The following MFHAS1 variants were observed in gnomAD, a reference collection of about 807,000 sequenced individuals.
MFHAS1 encodes the protein malignant fibrous histiocytoma-amplified sequence 1.
In MFHAS1, 50 loss-of-function variants were observed where a neutral mutation model predicts 70.4. That is an observed-to-expected ratio of 0.71 (90% CI 0.57 to 0.90). MFHAS1 has a LOEUF of 0.90. Ranked by LOEUF, MFHAS1 falls within the 40% of genes least tolerant of loss-of-function variation. The pLI is 0.00. For synonymous variants in MFHAS1, 952 were observed against 620.0 expected (o/e 1.54, Z -7.96); for missense variants, 1,795 against 1,347.6 (o/e 1.33, Z -5.20).
At chr8:8,865,668 G>C (rs931346701) in intron 1 of MFHAS1, among the ~76,000 whole-genome samples, 1 of 152,168 alleles carries the variant, frequency 6.6e-6, no homozygotes, top group Non-Finnish European at 1.5e-5. Context: ...GTCTACTCAA[G>C]GTGAGGCTCC....
At chr8:8,890,015 T>C in intron 1 of MFHAS1, 46 bp downstream of exon 1, 1 of 1,440,376 alleles carries the variant, frequency 6.9e-7, no homozygotes, top group Non-Finnish European at 9.4e-7. Context: ...TCCAAAAACA[T>C]ATCTTACAGC....
chr8:8,843,225 C>T (rs1178015646), intron 1 of MFHAS1, among the ~76,000 whole-genome samples: 2 of 147,798 alleles, frequency 1.4e-5, no homozygotes, highest in African/African-American at 5.1e-5. Context: ...GCCGAGATTG[C>T]GCCACTGCAG....
In MFHAS1 at chr8:8,784,915, A is replaced by T. The variant is rs1457706313; in HGVS notation, c.*1107T>A. The stretch of plus-strand genomic sequence containing the variant: ...CTAGTTCTTGGCAGGAGACCGTCCA[A>T]TCAGAGGCTCTGTATTTATAAATAA... On this transcript the variant is annotated 3_prime_UTR_variant, in exon 3 of 3. Transcript: ENST00000276282. The T allele has an allele frequency of 6.6e-6, 1 of 152,204 alleles. No homozygotes were observed. The highest frequency in any genetic ancestry group is 2.4e-5 in the African/African-American group (1 of 41,450). The allele number at this position is 152,204 out of a possible 1,614,324, so 9.4% of individuals were successfully genotyped here.
intron 1 of MFHAS1, among the ~76,000 whole-genome samples, chr8:8,846,021 G>T (rs1281529631): frequency 6.6e-6 from 1 of 152,032 alleles, no homozygotes; most frequent in Non-Finnish European, 1.5e-5. Flanking sequence ...GGGAGGCCAA[G>T]GCAGGCGGAT....
At position 8,827,255 on chromosome 8, in the gene MFHAS1, C is replaced by T. The variant is rs144500821; in HGVS notation, c.2999-29764G>A. On this transcript the variant is annotated intron_variant, in intron 1 of 2. Coordinates refer to ENST00000276282, the MANE Select transcript of MFHAS1 (RefSeq NM_004225.3). ...TAAATGCTATTATTACAAATATCTGCGTAGTTATTTTTGTGTACATGCTGG... is the reference window on the plus strand; with the variant it reads ...TAAATGCTATTATTACAAATATCTGTGTAGTTATTTTTGTGTACATGCTGG... 1.9e-3 allele frequency among the ~76,000 whole-genome samples: 291 copies of T among 152,228 alleles called. 1 individual carries two copies. The highest frequency in any genetic ancestry group is 6.7e-3 in the African/African-American group (277 of 41,532).
intron 1 of MFHAS1, among the ~76,000 whole-genome samples, chr8:8,854,121 G>A (rs1012594813): frequency 5.3e-5 from 8 of 152,256 alleles, no homozygotes; most frequent in Non-Finnish European, 7.4e-5. Context: ...TATACGCTGG[G>A]TGTGGTGGCT....
At chr8:8,848,725 G>A (rs1808125963) in intron 1 of MFHAS1, among the ~76,000 whole-genome samples, 1 of 152,148 alleles carries the variant, frequency 6.6e-6, no homozygotes, top group Non-Finnish European at 1.5e-5. Context: ...ATTAGGACGT[G>A]TTTTTTAAAG....
At chr8:8,856,163 G>T (rs902172142) in intron 1 of MFHAS1, among the ~76,000 whole-genome samples, 4 of 152,118 alleles carry the variant, frequency 2.6e-5, no homozygotes, top group African/African-American at 7.2e-5. Context: ...TAAGATCTGG[G>T]GCCCTTATTT....
Position 8,785,967 on chromosome 8 carries a change from G to A in MFHAS1, c.*55C>T. 6.4e-7 allele frequency: 1 copy of A among 1,569,142 alleles called. No homozygotes were observed. Among genetic ancestry groups the A allele is most frequent in the Non-Finnish European group, 8.8e-7 (1 of 1,142,320 alleles). On this transcript the variant is annotated 3_prime_UTR_variant, in exon 3 of 3. Transcript: ENST00000276282. ...AGAGGGTCTGCCAGGTGCAAAAGAT[G>A]GTCCAGGTGTTCAGATGCTCTCTTT... is the stretch of plus-strand genomic sequence containing the variant.
chr8:8,793,019 A>G (rs1411544444), intron 2 of MFHAS1, among the ~76,000 whole-genome samples: 3 of 152,162 alleles, frequency 2.0e-5, no homozygotes, highest in African/African-American at 7.2e-5. Flanking sequence ...CAAGGGGGAG[A>G]AGAAGCCACT....
At chr8:8,827,745 G>C (rs531324074) in intron 1 of MFHAS1, among the ~76,000 whole-genome samples, 22 of 152,266 alleles carry the variant, frequency 1.4e-4, no homozygotes, top group African/African-American at 3.9e-4. Context: ...TTTTAGGAAA[G>C]TTAGCCTTTT....
chr8:8,852,660 A>G (rs145382135), intron 1 of MFHAS1, among the ~76,000 whole-genome samples: 289 of 152,202 alleles, frequency 1.9e-3, no homozygotes, highest in African/African-American at 6.5e-3. Context: ...TTCCATGGCC[A>G]TTTGCCATTG....
In MFHAS1 at chr8:8,891,725, T is replaced by C. The variant is rs776752204; in HGVS notation, c.1334A>G (p.Lys445Arg). 7 of 1,613,244 alleles carry C rather than the reference T, an allele frequency of 4.3e-6. No individual in the cohort carries two copies. In the Admixed American group the frequency reaches 1.0e-4, roughly 23 times the overall value. Residue 445 changes from lysine (K) to arginine (R), a missense_variant, in exon 1 of 3, where the codon AAG becomes AGG. By Grantham distance (26) the Lys-to-Arg change is conservative. Transcript: ENST00000276282. The surrounding 1 kb of genome is among the most constrained non-coding windows in gnomAD (Gnocchi z 5.4). Reference protein sequence around the residue: ...EGCPGGGDKEKCYPPSPPPVS... With the variant: ...EGCPGGGDKERCYPPSPPPVS... ...AGGGGGAGGTGACGGTGGGTAGCAC[T>C]TCTCCTTGTCCCCTCCTCCTGGGCA...
rs138616363 is a variant in MFHAS1, at chr8:8,798,459, G to A, written c.2999-968C>T. On this transcript the variant is annotated intron_variant, in intron 1 of 2. Coordinates refer to ENST00000276282, the MANE Select transcript of MFHAS1 (RefSeq NM_004225.3). ...TCCCACCTCAGACTCCCAAATAGCT[G>A]GGACCACAGGTATGCAGCACCACAT... Among the ~76,000 whole-genome samples, 22 of 152,206 alleles carry A rather than the reference G, an allele frequency of 1.4e-4. No individual in the cohort carries two copies. The East Asian group carries it at 4.1e-3, about 28-fold the overall frequency.
At position 8,856,980 on chromosome 8, in the gene MFHAS1, G is replaced by GAAA. The variant is rs59496543; in HGVS notation, c.2998+33078_2998+33080dup. ...CCTGACACTTTCACATCAGGAAAGT[G>GAAA]AAAAAAAAAAAAAAAAAAAAAAAAA... On this transcript the variant is annotated intron_variant, in intron 1 of 2. Transcript: ENST00000276282. Among the ~76,000 whole-genome samples the GAAA allele has an allele frequency of 1.5e-4, 8 of 53,368 alleles. 1 individual carries two copies. The highest frequency in any genetic ancestry group is 5.1e-4 in the Admixed American group (2 of 3,952). 35.0% of individuals were successfully genotyped at this position (53,368 alleles called of 152,430 possible). A position where few individuals can be genotyped will look rare whatever the true frequency, so the allele number is the denominator to read the frequency against.
intron 1 of MFHAS1, among the ~76,000 whole-genome samples, chr8:8,848,672 A>G (rs1808123466): frequency 6.6e-6 from 1 of 152,202 alleles, no homozygotes; most frequent in South Asian, 2.1e-4. Flanking sequence ...TAAACCATAA[A>G]TTGAGTACTC....
intron 1 of MFHAS1, among the ~76,000 whole-genome samples, chr8:8,870,837 T>A (rs1251235375): frequency 6.6e-6 from 1 of 152,222 alleles, no homozygotes; most frequent in African/African-American, 2.4e-5. Context: ...CCATGGCTGG[T>A]CACTGCCAAT....
intron 1 of MFHAS1, among the ~76,000 whole-genome samples, chr8:8,872,575 G>A (rs571505113): frequency 2.0e-4 from 30 of 152,248 alleles, no homozygotes; most frequent in Non-Finnish European, 4.4e-4. Flanking sequence ...AGCTTTTAAT[G>A]CCGCACCACA....
At chr8:8,842,977 C>T (rs768800286) in intron 1 of MFHAS1, among the ~76,000 whole-genome samples, 4 of 152,112 alleles carry the variant, frequency 2.6e-5, no homozygotes, top group East Asian at 3.9e-4. Flanking sequence ...TCTAAGAAAG[C>T]GAAAGAGGCC....
Sources: gnomAD v4.1 joint callset for allele counts (sites outside exome capture counted in the v4.1 genomes callset) on GRCh38, gnomAD v4.1.1 for gene constraint, Gnocchi (gnomAD v3.1) non-coding constraint, MANE v1.5 for transcripts, NCBI Gene and HGNC (gene_info 2026-07-23, HGNC 2026-07-21) for gene names.